SLC23A1: variants seen among roughly 807,000 people sequenced by gnomAD.
SLC23A1 encodes the protein solute carrier family 23 member 1, also known as Na(+)/L-ascorbic acid transporter 1.
A neutral mutation model predicts 62.5 loss-of-function variants in SLC23A1; 31 were observed. That is an observed-to-expected ratio of 0.50 (90% confidence interval 0.37 to 0.67). SLC23A1 has a LOEUF of 0.67. Among genes scored for constraint, SLC23A1 ranks in the 30% least tolerant of loss-of-function variants. SLC23A1 has a pLI of 0.00. For missense variants in SLC23A1, 640 were observed against 782.7 expected (o/e 0.82, Z 2.18); for synonymous variants, 271 against 313.2 (o/e 0.87, Z 1.42).
chr5:139,376,498 T>C (rs889086643), intron 13 of SLC23A1, among the ~76,000 whole-genome samples: 1 of 152,182 alleles, frequency 6.6e-6, no homozygotes, highest in African/African-American at 2.4e-5. Flanking sequence ...CTTTATGACT[T>C]TGTGGTTTTT....
Position 139,378,374 on chromosome 5 carries a change from G to A in SLC23A1, c.1180-23C>T. On this transcript the variant is annotated intron_variant, in intron 10 of 14. Coordinates refer to ENST00000348729, the MANE Select transcript of SLC23A1 (RefSeq NM_005847.5). This position sits in a 1 kb window ranked among gnomAD's most constrained non-coding sequence, Gnocchi z 4.5. Reference sequence around the variant, plus strand: ...CACCTGCCGGGGAGCCAGCGGGGAAGCTAGACCTGGGGACGAGGCTGGGGC... The same window carrying A: ...CACCTGCCGGGGAGCCAGCGGGGAAACTAGACCTGGGGACGAGGCTGGGGC... The A allele has an allele frequency of 6.4e-7, 1 of 1,551,916 alleles. No individual in the cohort carries two copies. Among genetic ancestry groups the A allele is most frequent in the African/African-American group, 1.4e-5 (1 of 73,354 alleles).
chr5:139,373,662 G>A (rs1043007319), intron 13 of SLC23A1, among the ~76,000 whole-genome samples: 4 of 152,202 alleles, frequency 2.6e-5, no homozygotes, highest in Non-Finnish European at 4.4e-5. Flanking sequence ...ACCAAGTTAT[G>A]TTCCAAAATC....
At chr5:139,377,217 G>T (rs929578751) in intron 13 of SLC23A1, among the ~76,000 whole-genome samples, 185 bp downstream of exon 13, 3 of 152,074 alleles carry the variant, frequency 2.0e-5, no homozygotes, top group Non-Finnish European at 4.4e-5. Flanking sequence ...AGACCTCTGA[G>T]GCATGTCTGT....
Position 139,380,026 on chromosome 5 carries a change from A to C in SLC23A1, c.698T>G (p.Phe233Cys). The C allele has an allele frequency of 6.2e-7, 1 of 1,613,984 alleles. No homozygotes were observed. Residue 233 changes from phenylalanine to cysteine, a missense_variant, in exon 7 of 15, where the codon TTC becomes TGC. By Grantham distance (205) the Phe-to-Cys change is radical. Coordinates refer to ENST00000348729, the MANE Select transcript of SLC23A1 (RefSeq NM_005847.5). ...GCCCCAGCGGTAGACAGGCAGCAGG[A>C]AGGTGAGGTTGCGCAGGTACTGGGA... ...LFSQYLRNLT[F>C]LLPVYRWGKG...
At chr5:139,382,985 C>T (rs773316090) in intron 1 of SLC23A1, among the ~76,000 whole-genome samples, 7 of 152,266 alleles carry the variant, frequency 4.6e-5, no homozygotes, top group African/African-American at 2.4e-5. Context: ...TGTCACTGGC[C>T]GGGAGATTAG....
intron 14 of SLC23A1, among the ~76,000 whole-genome samples, chr5:139,370,633 AGGC>A (rs1207131582): frequency 6.6e-6 from 1 of 151,924 alleles, no homozygotes; most frequent in Non-Finnish European, 1.5e-5. Context: ...CTGGGATTAC[AGGC>A]GCCTACCACC....
At chr5:139,385,150 T>G (rs1758464901), upstream of SLC23A1, among the ~76,000 whole-genome samples, 1 of 152,254 alleles carries the variant, frequency 6.6e-6, no homozygotes, top group African/African-American at 2.4e-5. Flanking sequence ...GGGATTAGAT[T>G]GTCTTCCTGC....
intron 13 of SLC23A1, among the ~76,000 whole-genome samples, chr5:139,373,138 A>G (rs1757767719): frequency 7.4e-6 from 1 of 136,006 alleles, no homozygotes; most frequent in South Asian, 2.6e-4. Flanking sequence ...GGAGGTAGGG[A>G]TACACCAAAT....
intron 14 of SLC23A1, chr5:139,368,887 C>A: frequency 3.2e-6 from 3 of 942,924 alleles, no homozygotes; most frequent in South Asian, 1.5e-5. Flanking sequence ...GCTCTCTTGT[C>A]ACTGTGTTAC....
intron 3 of SLC23A1, among the ~76,000 whole-genome samples, chr5:139,381,614 C>CAAA (rs904456829): frequency 3.4e-4 from 19 of 55,642 alleles, no homozygotes; most frequent in Admixed American, 8.8e-4. Flanking sequence ...ACTCCGTCTC[C>CAAA]AAAAAAAAAA....
Position 139,382,020 on chromosome 5 carries a change from G to A in SLC23A1, c.180C>T (p.Ile60=), listed in dbSNP as rs6886922. The A allele has an allele frequency of 0.02, 32,965 of 1,608,984 alleles. 607 individuals carry two copies. Among genetic ancestry groups the A allele is most frequent in the African/African-American group, 0.071 (5,300 of 74,942 alleles). The part of the protein sequence containing the change: ...QHYLTCFSGT[I]AVPFLLAEAL... ...CCTCAGCCAGCAGGAAGGGCACGGC[G>A]ATGGTACCACTGAAGCATGTCAGGT... Residue 60 remains isoleucine (I), a synonymous_variant, in exon 3 of 15, where the codon ATC becomes ATT. Transcript: ENST00000348729.
intron 5 of SLC23A1, 30 bp downstream of exon 5, chr5:139,380,535 G>A (rs760540188): frequency 8.1e-6 from 13 of 1,610,374 alleles, no homozygotes; most frequent in African/African-American, 8.0e-5. Flanking sequence ...CTCAGGACCC[G>A]GCCTCTTCTA....
At chr5:139,380,656 C>T in intron 4 of SLC23A1, 24 bp from the exon 5 acceptor site, 1 of 1,577,752 alleles carries the variant, frequency 6.3e-7, no homozygotes, top group Non-Finnish European at 8.7e-7. Context: ...CAGGGATACA[C>T]ACACGGACCA....
intron 13 of SLC23A1, among the ~76,000 whole-genome samples, chr5:139,377,191 G>A (rs376967148): frequency 1.3e-5 from 2 of 151,666 alleles, no homozygotes; most frequent in African/African-American, 2.4e-5. Context: ...TGACTCTTCC[G>A]GCCCCATCCT....
intron 12 of SLC23A1, 107 bp downstream of exon 12, chr5:139,377,868 T>G (rs998559123): frequency 5.5e-6 from 6 of 1,097,518 alleles, no homozygotes; most frequent in African/African-American, 4.7e-5. Context: ...ACACCCAGAG[T>G]TGGGTACGAT....
chr5:139,384,016 T>C (rs1315146041), upstream of SLC23A1, among the ~76,000 whole-genome samples: 4 of 152,164 alleles, frequency 2.6e-5, no homozygotes, highest in Non-Finnish European at 5.9e-5. Flanking sequence ...CCCAGCCACA[T>C]AATTTCTGGG....
chr5:139,382,215 T>C, intron 2 of SLC23A1, 166 bp from the exon 3 acceptor site: 1 of 655,330 alleles, frequency 1.5e-6, no homozygotes, highest in Non-Finnish European at 2.6e-6. Flanking sequence ...CTGACCACTC[T>C]GGGGGTCACT....
At chr5:139,380,662 G>A in intron 4 of SLC23A1, 30 bp from the exon 5 acceptor site, 1 of 1,566,636 alleles carries the variant, frequency 6.4e-7, no homozygotes, top group Non-Finnish European at 8.8e-7. Flanking sequence ...TACACACACG[G>A]ACCAGGTACA....
At chr5:139,374,936 G>C (rs1272335168) in intron 13 of SLC23A1, among the ~76,000 whole-genome samples, 1 of 152,092 alleles carries the variant, frequency 6.6e-6, no homozygotes, top group Non-Finnish European at 1.5e-5. Flanking sequence ...CCTCTAAATG[G>C]GCAGGGGTAC....
Sources: allele counts gnomAD v4.1 joint callset (sites outside exome capture counted in the v4.1 genomes callset), GRCh38; gene constraint gnomAD v4.1.1; non-coding constraint Gnocchi (gnomAD v3.1); transcripts MANE v1.5; gene names NCBI Gene and HGNC (gene_info 2026-07-23, HGNC 2026-07-21).